RNLS: variants seen among roughly 807,000 people sequenced by gnomAD.
RNLS encodes the protein renalase.
Under a neutral mutation model 39.8 loss-of-function variants are expected in RNLS, and 39 were observed. That is an observed-to-expected ratio of 0.98 (90% CI 0.76 to 1.28). RNLS has a LOEUF of 1.28. Among genes scored for constraint, RNLS ranks in the 50% most tolerant of loss-of-function variants. The probability of loss-of-function intolerance (pLI) is 0.00; values close to 1 mark genes in which losing one functional copy is unlikely to be tolerated. For missense variants in RNLS, 410 were observed against 413.3 expected (o/e 0.99, Z 0.07); for synonymous variants, 147 against 150.7 (o/e 0.98, Z 0.18).
At chr10:88,269,345 G>C (rs1054082041), downstream of RNLS, among the ~76,000 whole-genome samples, 7 of 152,122 alleles carry the variant, frequency 4.6e-5, no homozygotes, top group Non-Finnish European at 1.0e-4. Context: ...TATGTAAATA[G>C]GGCTAGTATA....
chr10:88,366,143 A>G (rs1850081840), intron 4 of RNLS, among the ~76,000 whole-genome samples: 1 of 152,196 alleles, frequency 6.6e-6, no homozygotes, highest in African/African-American at 2.4e-5. Flanking sequence ...GATAAGAACT[A>G]TAAGGAAAAA....
At chr10:88,454,074 G>A (rs890975603) in intron 4 of RNLS, among the ~76,000 whole-genome samples, 2 of 152,212 alleles carry the variant, frequency 1.3e-5, no homozygotes, top group East Asian at 3.9e-4. Flanking sequence ...AGAATTAGAA[G>A]AGAAGATAGC....
chr10:88,275,039 A>ATCAAAGGAATATCCT (rs1196066376), intron 6 of RNLS: 4 of 1,610,916 alleles, frequency 2.5e-6, no homozygotes, highest in Non-Finnish European at 3.4e-6. Context: ...GTACCTGAAA[A>ATCAAAGGAATATCCT]TCAAAGGAAT....
At chr10:88,400,474 C>T (rs184426442) in intron 4 of RNLS, among the ~76,000 whole-genome samples, 27 of 152,080 alleles carry the variant, frequency 1.8e-4, no homozygotes, top group South Asian at 1.5e-3. Flanking sequence ...TCCAATCTTT[C>T]GGGACCTTAT....
intron 4 of RNLS, among the ~76,000 whole-genome samples, chr10:88,494,635 C>A (rs1167977984): frequency 6.6e-6 from 1 of 152,026 alleles, no homozygotes; most frequent in Non-Finnish European, 1.5e-5. Flanking sequence ...GGTGGAGGAA[C>A]TATTTTCAAG....
the RNLS span, among the ~76,000 whole-genome samples, chr10:88,210,532 T>C: frequency 1.3e-5 from 2 of 152,178 alleles, no homozygotes; most frequent in East Asian, 3.8e-4. Context: ...CTTTCCAGTA[T>C]TTGCAAACTG....
chr10:88,324,380 C>A (rs967235400), intron 5 of RNLS, among the ~76,000 whole-genome samples: 9 of 146,908 alleles, frequency 6.1e-5, no homozygotes, highest in African/African-American at 2.3e-4. Flanking sequence ...GGTATACATA[C>A]ACCACAGAAT....
In RNLS at chr10:88,317,885, A is replaced by AG. The variant is rs1302156089; in HGVS notation, c.701-3245dup. ...CTGAGGAACTCAGAACCCTGTGCTA[A>AG]GGGGTAGTGGGTGTGCTTCTCTGCT... On this transcript the variant is annotated intron_variant, in intron 5 of 6. Transcript: ENST00000331772. Among the ~76,000 whole-genome samples, 19 of 152,300 alleles carry AG rather than the reference A, an allele frequency of 1.2e-4. No homozygotes were observed. The South Asian group carries it at 2.1e-3, about 17-fold the overall frequency.
chr10:88,425,947 G>A (rs1020071626), intron 4 of RNLS, among the ~76,000 whole-genome samples: 1 of 151,864 alleles, frequency 6.6e-6, no homozygotes, highest in Non-Finnish European at 1.5e-5. Flanking sequence ...TAGGGAGGGA[G>A]AAAGACCTAG....
At chr10:88,378,943 T>A (rs1032800883) in intron 4 of RNLS, among the ~76,000 whole-genome samples, 1 of 152,186 alleles carries the variant, frequency 6.6e-6, no homozygotes, top group Non-Finnish European at 1.5e-5. Context: ...GATAAATACA[T>A]AAACCAGTAA....
At chr10:88,174,557 C>G in the RNLS span, among the ~76,000 whole-genome samples, 1 of 152,018 alleles carries the variant, frequency 6.6e-6, no homozygotes, top group Non-Finnish European at 1.5e-5. Context: ...TGATGTATCA[C>G]GTTTATTCAT....
At chr10:88,325,065 G>C (rs1265739514) in intron 5 of RNLS, among the ~76,000 whole-genome samples, 1 of 152,122 alleles carries the variant, frequency 6.6e-6, no homozygotes, top group Non-Finnish European at 1.5e-5. Context: ...CGCTTGAGTT[G>C]CTTCTACCTT....
the RNLS span, among the ~76,000 whole-genome samples, chr10:88,240,141 A>G: frequency 6.6e-6 from 1 of 152,228 alleles, no homozygotes; most frequent in African/African-American, 2.4e-5. Context: ...TGCCATTATT[A>G]GGCAATACTT....
chr10:88,208,910 T>C, the RNLS span, among the ~76,000 whole-genome samples: 5 of 152,126 alleles, frequency 3.3e-5, no homozygotes, highest in Admixed American at 2.0e-4. Context: ...TAGGCATGCA[T>C]GAATACATCC....
the RNLS span, among the ~76,000 whole-genome samples, chr10:88,210,133 C>T: frequency 6.6e-6 from 1 of 152,170 alleles, no homozygotes; most frequent in Non-Finnish European, 1.5e-5. Flanking sequence ...TAAAAAATTC[C>T]CTGTCATTAC....
chr10:88,180,185 C>T, the RNLS span, among the ~76,000 whole-genome samples: 3 of 152,162 alleles, frequency 2.0e-5, no homozygotes, highest in Admixed American at 6.5e-5. Flanking sequence ...TCTGCTTATA[C>T]TTTAAAACCA....
At chr10:88,512,332 T>C in intron 4 of RNLS, among the ~76,000 whole-genome samples, 1 of 152,186 alleles carries the variant, frequency 6.6e-6, no homozygotes, top group Non-Finnish European at 1.5e-5. Context: ...TCTGTGTAGT[T>C]CTATTTGGTA....
intron 3 of RNLS, among the ~76,000 whole-genome samples, chr10:88,575,205 T>TA (rs1295944662): frequency 9.6e-4 from 31 of 32,236 alleles, no homozygotes; most frequent in African/African-American, 2.5e-3. Context: ...ACTATATATA[T>TA]ATGTGTGTGT....
intron 6 of RNLS, among the ~76,000 whole-genome samples, chr10:88,299,023 A>G (rs1844309938): frequency 6.6e-6 from 1 of 152,200 alleles, no homozygotes; most frequent in South Asian, 2.1e-4. Context: ...TAGAATTCTT[A>G]TAACTCCATA....
Sources: allele counts gnomAD v4.1 joint callset (sites outside exome capture counted in the v4.1 genomes callset), GRCh38; gene constraint gnomAD v4.1.1; transcripts MANE v1.5; gene names NCBI Gene and HGNC (gene_info 2026-07-23, HGNC 2026-07-21).